Variants in TAB2 observed in about 807,000 individuals in gnomAD.
TAB2 encodes the protein TGF-beta activated kinase 1 (MAP3K7) binding protein 2.
Under a neutral mutation model 65.0 loss-of-function variants are expected in TAB2, and 3 were observed. The observed-to-expected ratio is 0.05, with a 90% CI of 0.02 to 0.12. The LOEUF (loss-of-function observed/expected upper bound fraction) is 0.12. Among genes scored for constraint, TAB2 ranks in the 10% least tolerant of loss-of-function variants. TAB2 has a pLI of 1.00. For synonymous variants in TAB2, 298 were observed against 285.1 expected (o/e 1.05, Z -0.46); for missense variants, 623 against 840.3 (o/e 0.74, Z 3.20).
chr6:149,318,374 C>G (rs1159724741), intron 1 of TAB2, among the ~76,000 whole-genome samples: 2 of 151,958 alleles, frequency 1.3e-5, no homozygotes, highest in Non-Finnish European at 2.9e-5. Flanking sequence ...CGTCGGCGCC[C>G]CTGACCCGCC....
chr6:149,284,645 TACACACACACACACACACACAC>T (rs59723819), intron 1 of TAB2, among the ~76,000 whole-genome samples: 19 of 141,606 alleles, frequency 1.3e-4, no homozygotes, highest in South Asian at 2.4e-4. Context: ...ATGATCTCTT[TACACACACACACACACACACAC>T]ACACACACAC....
At position 149,354,785 on chromosome 6, in the gene TAB2, ATTC is replaced by A. The variant is rs143592975; in HGVS notation, c.-89-15121_-89-15119del. On this transcript the variant is annotated intron_variant, in intron 1 of 6. Transcript: ENST00000637181. The stretch of plus-strand genomic sequence containing the variant: ...GGGGATTATTCCATATTAGCATCTC[ATTC>A]TTTTTAATGGCTGTATAGTACATTA... 2.7e-3 allele frequency among the ~76,000 whole-genome samples: 412 copies of A among 152,308 alleles called. 1 individual carries two copies. The highest frequency in any genetic ancestry group is 9.6e-3 in the African/African-American group (399 of 41,572).
intron 1 of TAB2, among the ~76,000 whole-genome samples, chr6:149,264,924 G>A (rs1375000496): frequency 6.6e-6 from 1 of 152,238 alleles, no homozygotes; most frequent in Non-Finnish European, 1.5e-5. Flanking sequence ...GTGTGGCCAC[G>A]TTTCCAGGGA....
chr6:149,384,631 A>G (rs990647869), intron 3 of TAB2, among the ~76,000 whole-genome samples: 4 of 152,230 alleles, frequency 2.6e-5, no homozygotes, highest in African/African-American at 7.2e-5. Context: ...ACTGGTAGTC[A>G]GTGGTCAGAT....
intron 1 of TAB2, among the ~76,000 whole-genome samples, chr6:149,350,978 C>T (rs915913206): frequency 1.3e-5 from 2 of 152,060 alleles, no homozygotes; most frequent in South Asian, 2.1e-4. Flanking sequence ...TGTAACTACC[C>T]CCATCCTGAG....
chr6:149,259,735 C>T (rs143717336), intron 1 of TAB2, among the ~76,000 whole-genome samples: 251 of 152,214 alleles, frequency 1.6e-3, no homozygotes, highest in African/African-American at 5.9e-3. Flanking sequence ...CTCCATGGTG[C>T]TGAGAGGTCC....
chr6:149,371,179 T>C (rs1409782987), intron 2 of TAB2, among the ~76,000 whole-genome samples: 1 of 151,910 alleles, frequency 6.6e-6, no homozygotes, highest in East Asian at 1.9e-4. Context: ...CTGTAATTTA[T>C]AATAATGACT....
intron 1 of TAB2, among the ~76,000 whole-genome samples, chr6:149,319,058 A>T (rs1779352710): frequency 6.6e-6 from 1 of 152,222 alleles, no homozygotes; most frequent in Non-Finnish European, 1.5e-5. Flanking sequence ...ACTGTACGGC[A>T]ATATAATTTT....
At chr6:149,298,229 C>T (rs1778911703) in intron 1 of TAB2, among the ~76,000 whole-genome samples, 1 of 152,066 alleles carries the variant, frequency 6.6e-6, no homozygotes, top group African/African-American at 2.4e-5. Flanking sequence ...GCATGCTATT[C>T]CTCAGAATGG....
intron 1 of TAB2, among the ~76,000 whole-genome samples, chr6:149,363,893 CTTTG>C (rs1053312167): frequency 2.0e-5 from 3 of 152,144 alleles, no homozygotes; most frequent in Non-Finnish European, 2.9e-5. Flanking sequence ...TAATCCTTCT[CTTTG>C]TTTGTGCTCT....
Position 149,377,374 on chromosome 6 carries a change from C to G in TAB2, c.103-644C>G, listed in dbSNP as rs886456172. Among the ~76,000 whole-genome samples the G allele has an allele frequency of 2.0e-5, 3 of 151,786 alleles. No individual in the cohort carries two copies. The South Asian group carries it at 6.2e-4, about 32-fold the overall frequency. ...TCTGAGGTTTTTTTCCCCCCCGCCACTCTGGAGTAGATTTTTATGATGTTA... is the reference window on the plus strand; with the variant it reads ...TCTGAGGTTTTTTTCCCCCCCGCCAGTCTGGAGTAGATTTTTATGATGTTA... On this transcript the variant is annotated intron_variant, in intron 2 of 6. Transcript: ENST00000637181.
At chr6:149,264,933 G>C (rs1778230196) in intron 1 of TAB2, among the ~76,000 whole-genome samples, 1 of 152,252 alleles carries the variant, frequency 6.6e-6, no homozygotes, top group Non-Finnish European at 1.5e-5. Flanking sequence ...CGTTTCCAGG[G>C]ATGGGCTGGT....
intron 3 of TAB2, 67 bp downstream of exon 3, chr6:149,379,585 A>G: frequency 6.9e-7 from 1 of 1,451,638 alleles, no homozygotes; most frequent in Admixed American, 1.7e-5. Flanking sequence ...TTGATTTCAC[A>G]ACAGAAATGG....
intron 1 of TAB2, among the ~76,000 whole-genome samples, chr6:149,256,789 A>T (rs972716571): frequency 2.6e-5 from 4 of 152,220 alleles, no homozygotes; most frequent in Non-Finnish European, 5.9e-5. Flanking sequence ...CCTTTATATT[A>T]GAGTTTTCAT....
chr6:149,276,887 C>T (rs1250610602), intron 1 of TAB2, among the ~76,000 whole-genome samples: 2 of 152,206 alleles, frequency 1.3e-5, no homozygotes, highest in South Asian at 2.1e-4. Context: ...TGATTTGTAG[C>T]TCCCATAATT....
chr6:149,343,178 A>T (rs1780183127), intron 1 of TAB2, among the ~76,000 whole-genome samples: 3 of 152,218 alleles, frequency 2.0e-5, no homozygotes, highest in Admixed American at 2.0e-4. Context: ...TACATTGAGT[A>T]CAAGCAGTAT....
At chr6:149,381,116 C>G (rs910172510) in intron 3 of TAB2, among the ~76,000 whole-genome samples, 12 of 152,168 alleles carry the variant, frequency 7.9e-5, no homozygotes, top group African/African-American at 2.7e-4. Context: ...GTACGCAGGG[C>G]TCTGCCCAAA....
chr6:149,402,553 C>T (rs1346710237), intron 6 of TAB2, among the ~76,000 whole-genome samples: 2 of 151,970 alleles, frequency 1.3e-5, no homozygotes, highest in Non-Finnish European at 2.9e-5. Flanking sequence ...CTGTCAAACA[C>T]TCAAACAAGA....
rs748152528 is a variant in TAB2, at chr6:149,378,228, C to T, written c.313C>T (p.His105Tyr). 1 of 1,614,122 alleles carries T rather than the reference C, an allele frequency of 6.2e-7. No homozygotes were observed. Among genetic ancestry groups the T allele is most frequent in the Non-Finnish European group, 8.5e-7 (1 of 1,180,010 alleles). Residue 105 changes from histidine to tyrosine, a missense_variant, in exon 3 of 7, where the codon CAC (histidine) becomes TAC (tyrosine). By Grantham distance (83) the His-to-Tyr change is moderately conservative. Around this residue, in one of 3 missense-constraint regions of TAB2, gnomAD observed 550 missense variants for 665.7 expected, o/e 0.83. Coordinates refer to ENST00000637181, the MANE Select transcript of TAB2 (RefSeq NM_001292034.3). ...GATGAATGGAAGTAGGACTCTAACG[C>T]ACAGCATTAGTGATGGACAACTTCA... The part of the protein sequence containing the change: ...SRMNGSRTLT[H>Y]SISDGQLQGG...
Sources: allele counts gnomAD v4.1 joint callset (sites outside exome capture counted in the v4.1 genomes callset), GRCh38; gene constraint gnomAD v4.1.1; regional missense constraint gnomAD v4.1.1; transcripts MANE v1.5; gene names NCBI Gene and HGNC (gene_info 2026-07-23, HGNC 2026-07-21).